COL21A1: variants seen among roughly 807,000 people sequenced by gnomAD.
The protein encoded by COL21A1 is collagen alpha-1(XXI) chain.
Under a neutral mutation model 137.9 loss-of-function variants are expected in COL21A1, and 149 were observed. That is an observed-to-expected ratio of 1.08 (90% CI 0.95 to 1.24). The LOEUF (loss-of-function observed/expected upper bound fraction) is 1.24. Ranked by LOEUF, COL21A1 falls within the 50% of genes most tolerant of loss-of-function variation. The pLI is 0.00. For missense variants in COL21A1, 1,167 were observed against 1,158.4 expected, an observed-to-expected ratio of 1.01 and a Z score of -0.11; for synonymous variants, 456 against 391.5, an observed-to-expected ratio of 1.16 and a Z score of -1.95.
At chr6:56,284,398 C>G (rs562639452) in intron 1 of COL21A1, among the ~76,000 whole-genome samples, 2 of 152,134 alleles carry the variant, frequency 1.3e-5, no homozygotes, top group Non-Finnish European at 2.9e-5. Context: ...CACACTTGAA[C>G]GCACAATCTG....
intron 1 of COL21A1, among the ~76,000 whole-genome samples, chr6:56,286,964 G>A (rs1237324118): frequency 6.6e-6 from 1 of 152,116 alleles, no homozygotes; most frequent in Non-Finnish European, 1.5e-5. Flanking sequence ...GCTTTTATTT[G>A]AAGATAACAC....
At chr6:56,156,148 G>A (rs1358224633) in intron 10 of COL21A1, among the ~76,000 whole-genome samples, 1 of 152,112 alleles carries the variant, frequency 6.6e-6, no homozygotes, top group Non-Finnish European at 1.5e-5. Context: ...GCAGAGAAAA[G>A]ACAATAGAAT....
chr6:56,255,334 GGTGTGTGTGTGTGTGTGTGTGT>G (rs71783697), intron 1 of COL21A1, among the ~76,000 whole-genome samples: 5 of 145,488 alleles, frequency 3.4e-5, no homozygotes, highest in Non-Finnish European at 7.5e-5. Flanking sequence ...TTGTTAAGAG[GGTGTGTGTGTGTGTGTGTGTGT>G]GTGTGTGTGT....
chr6:56,088,122 G>C (rs1193172084), intron 17 of COL21A1, among the ~76,000 whole-genome samples: 1 of 152,126 alleles, frequency 6.6e-6, no homozygotes, highest in Non-Finnish European at 1.5e-5. Context: ...CTAGCACTTT[G>C]GGAGGCCGAG....
At chr6:56,203,633 C>T (rs1344628809) in intron 1 of COL21A1, among the ~76,000 whole-genome samples, 1 of 152,192 alleles carries the variant, frequency 6.6e-6, no homozygotes, top group Non-Finnish European at 1.5e-5. Flanking sequence ...GAAAGGCTTC[C>T]ATTGACTAAA....
chr6:56,138,163 C>G (rs533229195), intron 12 of COL21A1, among the ~76,000 whole-genome samples: 1 of 151,664 alleles, frequency 6.6e-6, no homozygotes, highest in Non-Finnish European at 1.5e-5. Flanking sequence ...TCTGAAAACC[C>G]GATTGTAACA....
chr6:56,364,722 T>C (rs1766057703), intron 1 of COL21A1, among the ~76,000 whole-genome samples: 1 of 151,218 alleles, frequency 6.6e-6, no homozygotes, highest in Admixed American at 6.6e-5. Context: ...GATTTTTTTC[T>C]ACCCAATTTG....
intron 17 of COL21A1, among the ~76,000 whole-genome samples, chr6:56,087,955 T>C (rs1768415263): frequency 6.6e-6 from 1 of 152,192 alleles, no homozygotes; most frequent in South Asian, 2.1e-4. Flanking sequence ...CAAACCTGTT[T>C]TTAAAATTAT....
At chr6:56,107,960 G>T (rs12192012) in intron 16 of COL21A1, among the ~76,000 whole-genome samples, 22,826 of 151,814 alleles carry the variant, frequency 0.15, 1,752 homozygotes, top group Middle Eastern at 0.22. Flanking sequence ...GGAGAAAATA[G>T]AATTCATTAA....
chr6:56,282,256 A>T (rs1056685509), intron 1 of COL21A1, among the ~76,000 whole-genome samples: 4 of 152,208 alleles, frequency 2.6e-5, no homozygotes, highest in African/African-American at 9.6e-5. Context: ...AAAGAATTTT[A>T]AAAATGGGAA....
chr6:56,067,537 G>C (rs1766374353), intron 22 of COL21A1, among the ~76,000 whole-genome samples: 1 of 151,708 alleles, frequency 6.6e-6, no homozygotes, highest in South Asian at 2.1e-4. Flanking sequence ...GAACACTTTT[G>C]TATGCTCCTA....
At chr6:56,228,082 A>G (rs546544590) in intron 1 of COL21A1, among the ~76,000 whole-genome samples, 5 of 151,988 alleles carry the variant, frequency 3.3e-5, no homozygotes, top group Admixed American at 1.3e-4. Flanking sequence ...GGGTGAAGGA[A>G]ATGAATGATG....
rs1490097917 is a variant in COL21A1, at chr6:56,294,250, G to T, written c.-39+99721C>A. 1.3e-5 allele frequency among the ~76,000 whole-genome samples: 2 copies of T among 151,890 alleles called. 1 individual carries two copies. Among genetic ancestry groups the T allele is most frequent in the South Asian group, 4.1e-4 (2 of 4,824 alleles). On this transcript the variant is annotated intron_variant, in intron 1 of 28. Transcript: ENST00000370819. The stretch of plus-strand genomic sequence containing the variant: ...TTGTGAATTTATTGCATTGTGTGAG[G>T]GCTTAACTTTGCCATTTTCAGTCAA...
intron 20 of COL21A1, 66 bp from the exon 21 acceptor site, chr6:56,070,864 A>T: frequency 2.6e-6 from 3 of 1,157,338 alleles, no homozygotes; most frequent in South Asian, 1.4e-5. Context: ...TCTGATATAG[A>T]CACTTAAGGG....
intron 27 of COL21A1, chr6:56,060,507 A>G: frequency 2.1e-6 from 1 of 480,560 alleles, no homozygotes; most frequent in South Asian, 4.1e-5. Context: ...AAAATATGCT[A>G]CAAAAGAAAA....
chr6:56,156,990 A>C, intron 9 of COL21A1, 41 bp from the exon 10 acceptor site: 1 of 1,428,982 alleles, frequency 7.0e-7, no homozygotes, highest in Non-Finnish European at 9.8e-7. Flanking sequence ...CAAAACAACC[A>C]GCCACATTGG....
intron 1 of COL21A1, among the ~76,000 whole-genome samples, chr6:56,388,258 G>A (rs1262226502): frequency 6.6e-6 from 1 of 152,154 alleles, no homozygotes; most frequent in Admixed American, 6.6e-5. Flanking sequence ...ATAAACATCA[G>A]TAGTAGTCAG....
intron 1 of COL21A1, among the ~76,000 whole-genome samples, chr6:56,276,288 A>G (rs1237538215): frequency 6.6e-6 from 1 of 152,184 alleles, no homozygotes; most frequent in Non-Finnish European, 1.5e-5. Context: ...CTTGGGTGAT[A>G]GGTTCAATCA....
At position 56,121,392 on chromosome 6, in the gene COL21A1, G is replaced by A. The variant is rs74708302; in HGVS notation, c.1758+2670C>T. Among the ~76,000 whole-genome samples the A allele has an allele frequency of 8.1e-3, 1,227 of 151,302 alleles. 19 individuals are homozygous for A. Among genetic ancestry groups the A allele is most frequent in the African/African-American group, 0.029 (1,184 of 41,294 alleles). ...TTGTGAGTAGTTGAAGAGAAGAAAG[G>A]ATCAAAAGGTAGAGCCCACAGGATT... On this transcript the variant is annotated intron_variant, in intron 16 of 29. Transcript: ENST00000244728.
Sources: allele counts gnomAD v4.1 joint callset (sites outside exome capture counted in the v4.1 genomes callset), GRCh38; gene constraint gnomAD v4.1.1; transcripts MANE v1.5; gene names NCBI Gene and HGNC (gene_info 2026-07-23, HGNC 2026-07-21).